Variants in PCNX2 observed in about 807,000 individuals in gnomAD.
The protein encoded by PCNX2 is pecanex-like protein 2.
Under a neutral mutation model 223.8 loss-of-function variants are expected in PCNX2, and 168 were observed. The observed-to-expected ratio is 0.75, with a 90% confidence interval of 0.66 to 0.85. PCNX2 has a LOEUF of 0.85. Among genes scored for constraint, PCNX2 ranks in the 40% least tolerant of loss-of-function variants. The pLI is 0.00. For missense variants in PCNX2, 2,507 were observed against 2,675.5 expected, an observed-to-expected ratio of 0.94 and a Z score of 1.39; for synonymous variants, 1,006 against 1,052.6, an observed-to-expected ratio of 0.96 and a Z score of 0.86.
At chr1:233,289,430 G>T in intron 1 of PCNX2, 1 of 1,413,676 alleles carries the variant, frequency 7.1e-7, no homozygotes, top group Non-Finnish European at 1.0e-6. Flanking sequence ...TCACGATCTT[G>T]GCGCTCGTAC....
At chr1:233,326,367 G>T in the PCNX2 span, among the ~76,000 whole-genome samples, 9 of 152,100 alleles carry the variant, frequency 5.9e-5, no homozygotes, top group African/African-American at 2.2e-4. Context: ...TATTTTATTT[G>T]TATTATTTGT....
chr1:233,215,788 C>A (rs1201099185), intron 12 of PCNX2, among the ~76,000 whole-genome samples: 2 of 152,168 alleles, frequency 1.3e-5, no homozygotes, highest in Admixed American at 1.3e-4. Flanking sequence ...TCTCTCACAC[C>A]ACCTAACCCA....
rs1019229181 is a variant in PCNX2 at position 233,252,394 on chromosome 1, C to T, written c.2088G>A (p.Glu696=). ...ISGPETSVQE[E]ISVDAMHVFI... ...AGACATGCATAGCATCCACAGATAT[C>T]TCTTCTTGTACAGATGTTTCAGGCC... The change falls in exon 7 of 34, where the codon GAG becomes GAA. Residue 696 remains glutamate, a synonymous_variant. Transcript: ENST00000258229. The T allele has an allele frequency of 2.5e-6, 4 of 1,612,670 alleles. No homozygotes were observed. The highest frequency in any genetic ancestry group is 2.5e-6 in the Non-Finnish European group (3 of 1,178,958).
intron 24 of PCNX2, among the ~76,000 whole-genome samples, chr1:233,055,049 TTTGTTTATCCA>T (rs1403705934): frequency 6.6e-6 from 1 of 152,194 alleles, no homozygotes; most frequent in African/African-American, 2.4e-5. Context: ...TGTGCTACAG[TTTGTTTATCCA>T]TTCAGCTGCT....
chr1:233,121,677 G>A (rs1675803504), intron 21 of PCNX2, among the ~76,000 whole-genome samples: 1 of 152,124 alleles, frequency 6.6e-6, no homozygotes, highest in Non-Finnish European at 1.5e-5. Flanking sequence ...GATGACAGAT[G>A]GTAGAAGCTA....
intron 1 of PCNX2, chr1:233,293,949 GT>G: frequency 1.0e-6 from 1 of 984,914 alleles, no homozygotes. Flanking sequence ...GGAAAAATGG[GT>G]TAAGAAAAAT....
intron 25 of PCNX2, among the ~76,000 whole-genome samples, chr1:233,052,089 C>T (rs1304141077): frequency 6.6e-6 from 1 of 152,178 alleles, no homozygotes; most frequent in African/African-American, 2.4e-5. Flanking sequence ...CAATAACCTT[C>T]TCCAAACTAA....
chr1:233,298,108 T>G (rs1373564301), upstream of PCNX2, among the ~76,000 whole-genome samples: 3 of 151,964 alleles, frequency 2.0e-5, no homozygotes, highest in Non-Finnish European at 4.4e-5. Context: ...GATTTATACT[T>G]GAGAGAGATC....
chr1:233,017,171 A>ACAGCTATTCTAAAGCCG lies in PCNX2; in HGVS notation c.4606-18_4606-17insCGGCTTTAGAATAGCTG. On this transcript the variant is annotated splice_polypyrimidine_tract_variant and intron_variant, in intron 26 of 33. Coordinates refer to ENST00000258229, the MANE Select transcript of PCNX2 (RefSeq NM_014801.4). ...TATTATACTCTGCAGAGAAAAAGCC[A>ACAGCTATTCTAAAGCCG]GGAAGATTTTATTTATTAATTTAAT... The ACAGCTATTCTAAAGCCG allele has an allele frequency of 6.5e-7, 1 of 1,527,602 alleles. No homozygotes were observed. The highest frequency in any genetic ancestry group is 9.0e-7 in the Non-Finnish European group (1 of 1,113,682). The allele number at this position is 1,527,602 out of a possible 1,614,324, so 94.6% of individuals were successfully genotyped here. A position where few individuals can be genotyped will look rare whatever the true frequency, so the allele number is the denominator to read the frequency against.
At chr1:233,021,546 A>G (rs533426129) in intron 26 of PCNX2, among the ~76,000 whole-genome samples, 39 of 152,264 alleles carry the variant, frequency 2.6e-4, no homozygotes, top group Middle Eastern at 3.4e-3. Context: ...TGGAATTCGA[A>G]TGTGTGGGTA....
intron 19 of PCNX2, among the ~76,000 whole-genome samples, chr1:233,140,887 T>C (rs1010351067): frequency 6.6e-6 from 1 of 152,118 alleles, no homozygotes; most frequent in Non-Finnish European, 1.5e-5. Flanking sequence ...CTGTCAGTAA[T>C]TGGGAGGCTG....
intron 17 of PCNX2, among the ~76,000 whole-genome samples, chr1:233,164,778 A>T (rs745881908): frequency 2.6e-5 from 4 of 152,150 alleles, no homozygotes; most frequent in Non-Finnish European, 5.9e-5. Context: ...TAAGACAGGC[A>T]CAGAAAGACA....
At chr1:233,235,207 A>C (rs1295550687) in intron 9 of PCNX2, among the ~76,000 whole-genome samples, 1 of 152,198 alleles carries the variant, frequency 6.6e-6, no homozygotes, top group Non-Finnish European at 1.5e-5. Flanking sequence ...AACAGTCCCA[A>C]AAGACTGATT....
Position 233,050,187 on chromosome 1 carries a change from T to C in PCNX2, c.4351+4081A>G, listed in dbSNP as rs190530206. ...AACCATCATGGCACGTGTATATCTA[T>C]GTAACAAACCTGCATGTTCTGCACA... is the stretch of plus-strand genomic sequence containing the variant. On this transcript the variant is annotated intron_variant, in intron 25 of 33. Transcript: ENST00000258229. Among the ~76,000 whole-genome samples, 504 of 152,180 alleles carry C rather than the reference T, an allele frequency of 3.3e-3. 5 individuals are homozygous for C. Among genetic ancestry groups the C allele is most frequent in the African/African-American group, 0.011 (476 of 41,524 alleles).
intron 19 of PCNX2, among the ~76,000 whole-genome samples, chr1:233,149,722 G>C (rs955813244): frequency 6.6e-6 from 1 of 152,120 alleles, no homozygotes; most frequent in African/African-American, 2.4e-5. Flanking sequence ...AATGAATGCA[G>C]GGTAAAGGAA....
intron 26 of PCNX2, among the ~76,000 whole-genome samples, chr1:233,022,016 G>C (rs922404948): frequency 1.3e-5 from 2 of 152,146 alleles, no homozygotes; most frequent in Non-Finnish European, 2.9e-5. Context: ...AGGGAGGATG[G>C]ACCCAGACAG....
chr1:233,096,627 C>T (rs764858322), intron 21 of PCNX2, among the ~76,000 whole-genome samples: 20 of 152,188 alleles, frequency 1.3e-4, no homozygotes. Context: ...TCCCCAAAAT[C>T]CACATCTGAT....
rs187769491 is a variant in PCNX2, at chr1:233,117,757, T to A, written c.3837+17256A>T. Among the ~76,000 whole-genome samples the A allele has an allele frequency of 3.5e-4, 53 of 151,912 alleles. 1 individual carries two copies. The East Asian group carries it at 1.0e-2, about 29-fold the overall frequency. Reference sequence around the variant, plus strand: ...CAGGCGCGGTGGCTCACGCCTGTAATCCCAGCACTTTGGGAGGCCGAGGCG... The same window carrying A: ...CAGGCGCGGTGGCTCACGCCTGTAAACCCAGCACTTTGGGAGGCCGAGGCG... On this transcript the variant is annotated intron_variant, in intron 21 of 33. Coordinates refer to ENST00000258229, the MANE Select transcript of PCNX2 (RefSeq NM_014801.4).
upstream of PCNX2, among the ~76,000 whole-genome samples, chr1:233,297,975 C>T (rs1296398103): frequency 6.6e-6 from 1 of 152,044 alleles, no homozygotes; most frequent in Non-Finnish European, 1.5e-5. Context: ...AAAACTAATC[C>T]ATTTATAAGA....
Sources: allele counts gnomAD v4.1 joint callset (sites outside exome capture counted in the v4.1 genomes callset), GRCh38; gene constraint gnomAD v4.1.1; transcripts MANE v1.5; gene names NCBI Gene and HGNC (gene_info 2026-07-23, HGNC 2026-07-21).